Variants in MCF2L observed in about 807,000 individuals in gnomAD.
MCF2L encodes guanine nucleotide exchange factor DBS.
A neutral mutation model predicts 153.4 loss-of-function variants in MCF2L; 97 were observed. That is an observed-to-expected ratio of 0.63 (90% CI 0.54 to 0.75). The LOEUF (loss-of-function observed/expected upper bound fraction) is 0.75. Among genes scored for constraint, MCF2L ranks in the 30% least tolerant of loss-of-function variants. The pLI is 0.00. For synonymous variants in MCF2L, 659 were observed against 632.2 expected (o/e 1.04, Z -0.64); for missense variants, 1,347 against 1,495.2 (o/e 0.90, Z 1.64).
chr13:112,974,158 A>G (rs564803269), intron 1 of MCF2L, among the ~76,000 whole-genome samples: 13 of 152,020 alleles, frequency 8.6e-5, no homozygotes, highest in Non-Finnish European at 1.5e-4. Context: ...CTTTAGTCTT[A>G]CGTTTGGAGT....
At chr13:112,944,361 G>C (rs374428243) in intron 2 of MCF2L, among the ~76,000 whole-genome samples, 1 of 152,070 alleles carries the variant, frequency 6.6e-6, no homozygotes, top group Non-Finnish European at 1.5e-5. Flanking sequence ...TCCCTACAGC[G>C]TATGTGTGCT....
intron 21 of MCF2L, 125 bp downstream of exon 21, chr13:113,086,374 CT>C (rs1195550572): frequency 2.1e-6 from 3 of 1,402,792 alleles, no homozygotes; most frequent in African/African-American, 3.0e-5. Context: ...GGCAGGAGGT[CT>C]GGGGTGGTCC....
intron 8 of MCF2L, among the ~76,000 whole-genome samples, chr13:113,069,719 T>C (rs1047561780): frequency 1.3e-5 from 2 of 152,194 alleles, no homozygotes; most frequent in Admixed American, 1.3e-4. Context: ...AACCAGACCC[T>C]ATCTCAAAAA....
In MCF2L at chr13:113,070,722, C is replaced by T. The variant is rs866241207; in HGVS notation, c.996+549C>T. Among the ~76,000 whole-genome samples, 19 of 152,198 alleles carry T rather than the reference C, an allele frequency of 1.2e-4. No homozygotes were observed. The highest frequency in any genetic ancestry group is 1.9e-4 in the East Asian group (1 of 5,192). On this transcript the variant is annotated intron_variant, in intron 9 of 29. Coordinates refer to ENST00000535094, the MANE Select transcript of MCF2L (RefSeq NM_001112732.3). This position sits in a 1 kb window ranked among gnomAD's most constrained non-coding sequence, Gnocchi z 5.6. Reference sequence around the variant, plus strand: ...AATGAATCCCACAGAATGTCACTCTCGGGATTTGTTTGTTTGCTCAGCACA... The same window carrying T: ...AATGAATCCCACAGAATGTCACTCTTGGGATTTGTTTGTTTGCTCAGCACA...
chr13:113,099,035 T>C lies in MCF2L; in HGVS notation c.*2176T>C, dbSNP rs1217974023. The C allele has an allele frequency of 6.6e-6, 1 of 152,192 alleles. No individual in the cohort carries two copies. The highest frequency in any genetic ancestry group is 1.5e-5 in the Non-Finnish European group (1 of 68,044). 9.4% of individuals were successfully genotyped at this position (152,192 alleles called of 1,614,324 possible). A position where few individuals can be genotyped will look rare whatever the true frequency, so the allele number is the denominator to read the frequency against. The stretch of plus-strand genomic sequence containing the variant: ...GTGACAAGTCACTGCTTAGAGACCA[T>C]CAAGCAAATTTATATATAGATTGGA... On this transcript the variant is annotated 3_prime_UTR_variant, in exon 30 of 30. Transcript: ENST00000535094.
Position 113,074,664 on chromosome 13 carries a change from G to T in MCF2L, c.1116+101G>T. The T allele has an allele frequency of 6.6e-7, 1 of 1,524,568 alleles. No individual in the cohort carries two copies. Among genetic ancestry groups the T allele is most frequent in the Non-Finnish European group, 8.9e-7 (1 of 1,122,314 alleles). The allele number at this position is 1,524,568 out of a possible 1,614,324, so 94.4% of individuals were successfully genotyped here. ...ATGGGCCTCCCGCCTACGGAGAACGGACCCCACAGCCCCCCGGGGATGTCC... is the reference window on the plus strand; with the variant it reads ...ATGGGCCTCCCGCCTACGGAGAACGTACCCCACAGCCCCCCGGGGATGTCC... On this transcript the variant is annotated intron_variant, in intron 10 of 29. Transcript: ENST00000535094. The surrounding 1 kb of genome is among the most constrained non-coding windows in gnomAD (Gnocchi z 4.2).
At chr13:113,082,147 ACC>A (rs966698267) in intron 16 of MCF2L, among the ~76,000 whole-genome samples, 2 of 152,218 alleles carry the variant, frequency 1.3e-5, no homozygotes, top group African/African-American at 4.8e-5. Context: ...TGAGCAGGTC[ACC>A]CGAGTGTAGA....
chr13:113,013,458 C>T (rs1228897160), intron 1 of MCF2L, among the ~76,000 whole-genome samples: 6 of 152,198 alleles, frequency 3.9e-5, no homozygotes, highest in South Asian at 2.1e-4. Context: ...CTGGCAGGGC[C>T]GCAGCCAGCA....
intron 17 of MCF2L, 81 bp downstream of exon 17, chr13:113,082,623 G>T: frequency 9.3e-7 from 1 of 1,079,998 alleles, no homozygotes; most frequent in Non-Finnish European, 1.4e-6. Context: ...CTGGAATGGG[G>T]GTGGAGGCCA....
intron 1 of MCF2L, among the ~76,000 whole-genome samples, chr13:113,012,628 G>C (rs1237680438): frequency 1.0e-5 from 1 of 97,226 alleles, no homozygotes; most frequent in African/African-American, 3.8e-5. Context: ...GTGGACAGGC[G>C]GTGTGGACGG....
intron 17 of MCF2L, among the ~76,000 whole-genome samples, chr13:113,083,000 G>A (rs929402718): frequency 6.6e-6 from 1 of 152,186 alleles, no homozygotes. Flanking sequence ...CAAACTAGGC[G>A]TTCCTTACCC....
At chr13:113,032,336 C>T (rs562743106) in intron 3 of MCF2L, among the ~76,000 whole-genome samples, 30 of 152,254 alleles carry the variant, frequency 2.0e-4, no homozygotes, top group Middle Eastern at 3.4e-3. Flanking sequence ...CGTGTGTGAG[C>T]GTGCTAAACA....
chr13:113,061,473 A>T (rs9549650), intron 5 of MCF2L, among the ~76,000 whole-genome samples: 1 of 151,948 alleles, frequency 6.6e-6, no homozygotes, highest in African/African-American at 2.4e-5. Context: ...ACCGCAGAGC[A>T]CCCCATGGCA....
At chr13:112,940,092 G>A (rs766392379) in intron 2 of MCF2L, among the ~76,000 whole-genome samples, 5 of 151,874 alleles carry the variant, frequency 3.3e-5, no homozygotes, top group South Asian at 2.1e-4. Context: ...ACAACGGGGG[G>A]TGGGGGCATC....
chr13:112,986,859 G>A (rs1010189814), intron 1 of MCF2L, among the ~76,000 whole-genome samples: 2 of 152,266 alleles, frequency 1.3e-5, no homozygotes, highest in Non-Finnish European at 2.9e-5. Flanking sequence ...CTCTGCCAGG[G>A]CCGTCTAGGG....
intron 2 of MCF2L, among the ~76,000 whole-genome samples, chr13:112,926,372 A>G (rs921157914): frequency 6.6e-6 from 1 of 151,740 alleles, no homozygotes; most frequent in African/African-American, 2.4e-5. Flanking sequence ...CCTGGTCTAC[A>G]TACACAGTGG....
At chr13:112,975,112 T>G (rs891279799) in intron 1 of MCF2L, among the ~76,000 whole-genome samples, 1 of 152,244 alleles carries the variant, frequency 6.6e-6, no homozygotes, top group Non-Finnish European at 1.5e-5. Flanking sequence ...TCTGGTCACA[T>G]TCATTTTATA....
At chr13:113,014,942 G>C in intron 2 of MCF2L, 96 bp downstream of exon 2, 1 of 1,101,808 alleles carries the variant, frequency 9.1e-7, no homozygotes, top group South Asian at 1.3e-5. Context: ...CTGGAGCTGG[G>C]AAGGGTCATG....
At position 112,932,130 on chromosome 13, in the gene MCF2L, GAA is replaced by G. The variant is rs2140627158; in HGVS notation, c.169+29761_169+29762del. 6.6e-6 allele frequency among the ~76,000 whole-genome samples: 1 copy of G among 150,856 alleles called. No individual in the cohort carries two copies. The highest frequency in any genetic ancestry group is 1.5e-5 in the Non-Finnish European group (1 of 68,012). On this transcript the variant is annotated intron_variant, in intron 2 of 29. Transcript: ENST00000375608. This position sits in a 1 kb window ranked among gnomAD's most constrained non-coding sequence, Gnocchi z 4.6. ...GAAGAGTTCAAGACGAAAAGAGGGA[GAA>G]AGAGTAACTTCCCAGCAGAGGACCT...
Sources: gnomAD v4.1 joint callset for allele counts (sites outside exome capture counted in the v4.1 genomes callset) on GRCh38, gnomAD v4.1.1 for gene constraint, Gnocchi (gnomAD v3.1) non-coding constraint, MANE v1.5 for transcripts, NCBI Gene and HGNC (gene_info 2026-07-23, HGNC 2026-07-21) for gene names.